The following KCNB2 variants were observed in gnomAD, a reference collection of about 807,000 sequenced individuals.
KCNB2 encodes the protein delayed rectifier potassium channel protein.
Under a neutral mutation model 61.5 loss-of-function variants are expected in KCNB2, and 15 were observed. That is an observed-to-expected ratio of 0.24 (90% CI 0.16 to 0.38). KCNB2 has a LOEUF of 0.38. Among genes scored for constraint, KCNB2 ranks in the 10% least tolerant of loss-of-function variants. The pLI is 1.00. For missense variants in KCNB2, 828 were observed against 1,125.2 expected (o/e 0.74, Z 3.78); for synonymous variants, 457 against 446.0 (o/e 1.02, Z -0.31).
At chr8:72,845,790 C>A (rs990274992) in intron 2 of KCNB2, among the ~76,000 whole-genome samples, 1 of 152,188 alleles carries the variant, frequency 6.6e-6, no homozygotes, top group African/African-American at 2.4e-5. Context: ...CCCCTCCCCC[C>A]CATCAAACTC....
chr8:72,834,136 C>T (rs537976065), intron 2 of KCNB2, among the ~76,000 whole-genome samples: 42 of 152,282 alleles, frequency 2.8e-4, no homozygotes, highest in African/African-American at 9.9e-4. Flanking sequence ...CTGTGTGAGA[C>T]ATTATTTAAC....
intron 2 of KCNB2, among the ~76,000 whole-genome samples, chr8:72,844,134 T>C (rs1320202697): frequency 6.6e-6 from 1 of 152,220 alleles, no homozygotes; most frequent in Admixed American, 6.5e-5. Flanking sequence ...GCAGGCCTGG[T>C]GGTGACAAAA....
At chr8:72,691,132 T>C (rs1684091831) in intron 2 of KCNB2, among the ~76,000 whole-genome samples, 1 of 152,190 alleles carries the variant, frequency 6.6e-6, no homozygotes, top group South Asian at 2.1e-4. Flanking sequence ...TAACTTGACG[T>C]TTTAAAAAAT....
At chr8:72,632,687 A>C (rs947196534) in intron 2 of KCNB2, among the ~76,000 whole-genome samples, 1 of 152,186 alleles carries the variant, frequency 6.6e-6, no homozygotes, top group Non-Finnish European at 1.5e-5. Context: ...AGAATCACGC[A>C]GCTAATTAGT....
intron 2 of KCNB2, among the ~76,000 whole-genome samples, chr8:72,771,968 G>C (rs913107263): frequency 1.3e-5 from 2 of 152,262 alleles, no homozygotes; most frequent in African/African-American, 4.8e-5. Context: ...CTGGCCCAGA[G>C]GACTAGTAGG....
At chr8:72,929,219 A>G (rs1324100215) in intron 2 of KCNB2, among the ~76,000 whole-genome samples, 1 of 152,134 alleles carries the variant, frequency 6.6e-6, no homozygotes, top group Non-Finnish European at 1.5e-5. Context: ...TCTTTCCACC[A>G]CAAAACGTCC....
intron 2 of KCNB2, among the ~76,000 whole-genome samples, chr8:72,685,387 T>C (rs553509163): frequency 5.3e-5 from 8 of 152,170 alleles, no homozygotes; most frequent in Non-Finnish European, 1.0e-4. Context: ...ACAAATATTA[T>C]TAAGTTCGTG....
intron 2 of KCNB2, among the ~76,000 whole-genome samples, chr8:72,634,547 C>A (rs937034113): frequency 6.6e-6 from 1 of 152,122 alleles, no homozygotes; most frequent in African/African-American, 2.4e-5. Context: ...TTCACACCAA[C>A]TATTGTATCT....
intron 1 of KCNB2, among the ~76,000 whole-genome samples, chr8:72,547,999 C>A (rs1464876103): frequency 2.6e-5 from 4 of 152,126 alleles, no homozygotes; most frequent in Non-Finnish European, 5.9e-5. Flanking sequence ...CCACTGAGAT[C>A]AGTCAGCAGC....
intron 2 of KCNB2, among the ~76,000 whole-genome samples, chr8:72,643,249 G>A (rs1013373980): frequency 1.3e-5 from 2 of 152,128 alleles, no homozygotes; most frequent in African/African-American, 2.4e-5. Flanking sequence ...GGCCATTATC[G>A]AACTTCTCGT....
Position 72,938,203 on chromosome 8 carries a change from A to G in KCNB2, c.*112A>G, listed in dbSNP as rs1411645913. 2.5e-6 allele frequency: 2 copies of G among 786,084 alleles called. No individual in the cohort carries two copies. The highest frequency in any genetic ancestry group is 5.3e-5 in the Admixed American group (2 of 37,734). 48.7% of individuals were successfully genotyped at this position (786,084 alleles called of 1,614,324 possible). Reference sequence around the variant, plus strand: ...AAAAAATGGGAAGCCCTCCCCAAAAAAAGTGCATAAAATGTTATTTTTGCA... The same window carrying G: ...AAAAAATGGGAAGCCCTCCCCAAAAGAAGTGCATAAAATGTTATTTTTGCA... On this transcript the variant is annotated 3_prime_UTR_variant, in exon 3 of 3. Coordinates refer to ENST00000523207, the MANE Select transcript of KCNB2 (RefSeq NM_004770.3).
chr8:72,777,222 C>G (rs557432611), intron 2 of KCNB2, among the ~76,000 whole-genome samples: 1 of 152,272 alleles, frequency 6.6e-6, no homozygotes, highest in South Asian at 2.1e-4. Flanking sequence ...GATCAACAGA[C>G]TGGTGAATAA....
chr8:72,624,201 A>G (rs1280169295), intron 2 of KCNB2, among the ~76,000 whole-genome samples: 2 of 152,206 alleles, frequency 1.3e-5, no homozygotes, highest in Non-Finnish European at 2.9e-5. Context: ...AAATATCTTC[A>G]TTCTGCCTCA....
intron 2 of KCNB2, among the ~76,000 whole-genome samples, chr8:72,650,098 A>G (rs1472660998): frequency 6.6e-6 from 1 of 152,216 alleles, no homozygotes; most frequent in East Asian, 1.9e-4. Context: ...AGAAGCCTGT[A>G]AACTAGTCAC....
At chr8:72,827,155 G>T (rs1809608876) in intron 2 of KCNB2, among the ~76,000 whole-genome samples, 1 of 152,116 alleles carries the variant, frequency 6.6e-6, no homozygotes, top group South Asian at 2.1e-4. Flanking sequence ...TTCATATGAT[G>T]GCTGAGGGCT....
chr8:72,845,658 G>A (rs1286448438), intron 2 of KCNB2, among the ~76,000 whole-genome samples: 4 of 152,234 alleles, frequency 2.6e-5, no homozygotes. Context: ...AATCTAGAGA[G>A]GCAGTCTGGC....
rs138671854 is a variant in KCNB2, at chr8:72,541,960, AT to A, written c.-94+4082del. 5.9e-3 allele frequency among the ~76,000 whole-genome samples: 892 copies of A among 152,062 alleles called. 5 individuals carry two copies. Among genetic ancestry groups the A allele is most frequent in the Non-Finnish European group, 8.6e-3 (586 of 67,924 alleles). On this transcript the variant is annotated intron_variant, in intron 1 of 2. Coordinates refer to ENST00000523207, the MANE Select transcript of KCNB2 (RefSeq NM_004770.3). Reference sequence around the variant, plus strand: ...AATATAATTTTTTATGCATGTCCCCATTTTTTTCCCTGTGAAACATAACATG... The same window carrying A: ...AATATAATTTTTTATGCATGTCCCCATTTTTTCCCTGTGAAACATAACATG...
chr8:72,607,035 T>A (rs1805461842), intron 2 of KCNB2, among the ~76,000 whole-genome samples: 1 of 151,932 alleles, frequency 6.6e-6, no homozygotes, highest in South Asian at 2.1e-4. Flanking sequence ...CAAAATGAGT[T>A]ATAGAGTGGT....
intron 2 of KCNB2, among the ~76,000 whole-genome samples, chr8:72,829,286 A>C (rs1194391388): frequency 6.6e-6 from 1 of 152,206 alleles, no homozygotes; most frequent in Non-Finnish European, 1.5e-5. Context: ...TTCAGTCATC[A>C]TCCAACTTGC....
Sources: gnomAD v4.1 joint callset for allele counts (sites outside exome capture counted in the v4.1 genomes callset) on GRCh38, gnomAD v4.1.1 for gene constraint, MANE v1.5 for transcripts, NCBI Gene and HGNC (gene_info 2026-07-23, HGNC 2026-07-21) for gene names.